Variants in FIP1L1 observed in about 807,000 individuals in gnomAD.
FIP1L1 encodes factor interacting with PAPOLA and CPSF1, also known as pre-mRNA 3'-end-processing factor FIP1.
FIP1L1 carries 21 observed loss-of-function variants against 84.6 expected under a neutral mutation model. The ratio of observed to expected loss-of-function variants is 0.25; its 90% CI spans 0.18 to 0.36. The LOEUF is 0.36. Among genes scored for constraint, FIP1L1 ranks in the 10% least tolerant of loss-of-function variants. The pLI, the probability that FIP1L1 is intolerant of heterozygous loss-of-function variation, is 1.00. For missense variants in FIP1L1, 526 were observed against 751.1 expected, an observed-to-expected ratio of 0.70 and a Z score of 3.50; for synonymous variants, 263 against 242.3, an observed-to-expected ratio of 1.09 and a Z score of -0.80.
At chr4:53,389,024 A>T (rs2149359168) in intron 5 of FIP1L1, among the ~76,000 whole-genome samples, 1 of 152,354 alleles carries the variant, frequency 6.6e-6, no homozygotes. Context: ...TTTCAAATAT[A>T]TACATTCATG....
In FIP1L1 at chr4:53,458,472, A is replaced by G. The variant is rs555355366; in HGVS notation, c.1500-181A>G. On this transcript the variant is annotated intron_variant, in intron 16 of 17. Coordinates refer to ENST00000337488, the MANE Select transcript of FIP1L1 (RefSeq NM_030917.4). ...TATTTATATTCTTAGCTCTAGTGCT[A>G]TTTTGAGAACAAGCATTATTTTCCT... The G allele has an allele frequency of 1.0e-5, 5 of 494,298 alleles. No homozygotes were observed. In the Admixed American group the frequency reaches 1.8e-4, roughly 18 times the overall value. 30.6% of individuals were successfully genotyped at this position (494,298 alleles called of 1,614,324 possible). A position where few individuals can be genotyped will look rare whatever the true frequency, so the allele number is the denominator to read the frequency against.
chr4:53,383,686 A>AG, intron 4 of FIP1L1, 87 bp from the exon 5 acceptor site: 1 of 1,313,840 alleles, frequency 7.6e-7, no homozygotes. Context: ...AAAAAAAAAA[A>AG]CAGGGTGGTT....
chr4:53,383,128 A>AT (rs1316293390), intron 4 of FIP1L1, among the ~76,000 whole-genome samples: 1 of 151,500 alleles, frequency 6.6e-6, no homozygotes, highest in African/African-American at 2.4e-5. Flanking sequence ...TCAAATACTT[A>AT]TTTTTTATAA....
intron 11 of FIP1L1, among the ~76,000 whole-genome samples, chr4:53,425,390 GT>G (rs1763926035): frequency 6.6e-6 from 1 of 151,846 alleles, no homozygotes; most frequent in African/African-American, 2.4e-5. Context: ...CCTTTTTTAT[GT>G]TTTTTAACAC....
At chr4:53,389,297 T>C (rs553105079) in intron 5 of FIP1L1, among the ~76,000 whole-genome samples, 4 of 152,204 alleles carry the variant, frequency 2.6e-5, no homozygotes, top group African/African-American at 4.8e-5. Flanking sequence ...ATTTTACTTA[T>C]GCTTAAGAGT....
At position 53,385,585 on chromosome 4, in the gene FIP1L1, GTTA is replaced by G. The variant is rs1740564695; in HGVS notation, c.332+1712_332+1714del. Among the ~76,000 whole-genome samples the G allele has an allele frequency of 3.3e-5, 5 of 152,162 alleles. No homozygotes were observed. In the South Asian group the frequency reaches 1.0e-3, roughly 32 times the overall value. On this transcript the variant is annotated intron_variant, in intron 5 of 17. Transcript: ENST00000337488. ...AATACAGTTAAGTGTGCAGTAAATG[GTTA>G]TTGACTAAATAAACTGAATGTTATT...
At chr4:53,451,969 C>T (rs571267370) in intron 15 of FIP1L1, among the ~76,000 whole-genome samples, 12 of 151,804 alleles carry the variant, frequency 7.9e-5, no homozygotes, top group Admixed American at 2.6e-4. Context: ...CTGCAAGCTC[C>T]GCCTCCCAGG....
At chr4:53,420,976 C>T (rs1762172724) in intron 11 of FIP1L1, among the ~76,000 whole-genome samples, 1 of 152,106 alleles carries the variant, frequency 6.6e-6, no homozygotes, top group South Asian at 2.1e-4. Context: ...TCAACTTTGA[C>T]CATATTGGAA....
chr4:53,411,349 C>T (rs2412447), intron 10 of FIP1L1, among the ~76,000 whole-genome samples: 84,436 of 152,046 alleles, frequency 0.56, 25,302 homozygotes, highest in Non-Finnish European at 0.67. Context: ...ATAAAAGTTA[C>T]CTAAGTTGTC....
At chr4:53,385,519 A>T (rs1740507176) in intron 5 of FIP1L1, among the ~76,000 whole-genome samples, 1 of 152,112 alleles carries the variant, frequency 6.6e-6, no homozygotes, top group South Asian at 2.1e-4. Flanking sequence ...AAAAACAAGA[A>T]ACTGTGATTT....
chr4:53,410,789 T>C (rs1234299439), intron 10 of FIP1L1, among the ~76,000 whole-genome samples: 2 of 152,222 alleles, frequency 1.3e-5, no homozygotes, highest in African/African-American at 4.8e-5. Context: ...CTAATTGTTC[T>C]CTTTTATTAT....
chr4:53,443,805 G>A (rs1319050933), intron 14 of FIP1L1, among the ~76,000 whole-genome samples: 2 of 151,872 alleles, frequency 1.3e-5, no homozygotes, highest in Non-Finnish European at 2.9e-5. Context: ...AAGCTAAGTT[G>A]ATTGGATTAT....
chr4:53,381,943 G>A (rs77688212), intron 3 of FIP1L1, among the ~76,000 whole-genome samples: 1 of 141,622 alleles, frequency 7.1e-6, no homozygotes, highest in African/African-American at 2.7e-5. Flanking sequence ...TTTTTTTTTT[G>A]TATTTTTAGT....
chr4:53,390,184 C>T (rs1002757173), intron 6 of FIP1L1, among the ~76,000 whole-genome samples: 1 of 152,120 alleles, frequency 6.6e-6, no homozygotes, highest in Non-Finnish European at 1.5e-5. Context: ...AAGTGATCTA[C>T]CTGCCTTGGC....
chr4:53,452,280 T>C (rs1716512409), intron 15 of FIP1L1, among the ~76,000 whole-genome samples: 1 of 152,190 alleles, frequency 6.6e-6, no homozygotes, highest in Non-Finnish European at 1.5e-5. Context: ...TAAAATATTG[T>C]TGAGTACACT....
intron 10 of FIP1L1, among the ~76,000 whole-genome samples, chr4:53,408,251 T>C (rs773254838): frequency 5.3e-5 from 8 of 152,236 alleles, no homozygotes; most frequent in African/African-American, 1.7e-4. Flanking sequence ...CCATCTCTTA[T>C]GAAGCTTAAT....
intron 13 of FIP1L1, among the ~76,000 whole-genome samples, chr4:53,430,868 A>G (rs1766340323): frequency 1.3e-5 from 2 of 152,156 alleles, no homozygotes; most frequent in African/African-American, 4.8e-5. Flanking sequence ...ATGAGTGCAG[A>G]TTCAAATGAA....
intron 10 of FIP1L1, among the ~76,000 whole-genome samples, chr4:53,404,589 T>G (rs1752169244): frequency 6.6e-6 from 1 of 151,260 alleles, no homozygotes; most frequent in Non-Finnish European, 1.5e-5. Flanking sequence ...ATCGCCACAC[T>G]GACTTCCACA....
At chr4:53,389,908 A>G in intron 6 of FIP1L1, 35 bp downstream of exon 6, 9 of 1,498,116 alleles carry the variant, frequency 6.0e-6, no homozygotes, top group Non-Finnish European at 8.2e-6. Flanking sequence ...TCAATAGGGA[A>G]ATAAGGCACA....
Sources: gnomAD v4.1 joint callset for allele counts (sites outside exome capture counted in the v4.1 genomes callset) on GRCh38, gnomAD v4.1.1 for gene constraint, MANE v1.5 for transcripts, NCBI Gene and HGNC (gene_info 2026-07-23, HGNC 2026-07-21) for gene names.